PRKCD: variants seen among roughly 807,000 people sequenced by gnomAD.
The protein encoded by PRKCD is protein kinase C delta.
In PRKCD, 20 loss-of-function variants were observed where a neutral mutation model predicts 82.2. The ratio of observed to expected loss-of-function variants is 0.24; its 90% confidence interval spans 0.17 to 0.35. PRKCD has a LOEUF of 0.35. PRKCD is among the 10% of genes least tolerant of loss of function. PRKCD has a pLI of 1.00. For synonymous variants in PRKCD, 317 were observed against 337.0 expected (o/e 0.94, Z 0.65); for missense variants, 607 against 899.0 (o/e 0.68, Z 4.15).
intron 2 of PRKCD, 115 bp downstream of exon 2, chr3:53,165,330 G>A (rs1702798772): frequency 6.6e-6 from 1 of 152,452 alleles, no homozygotes; most frequent in African/African-American, 2.4e-5. Context: ...CAGAGTCCTT[G>A]ATCTGGTTGT....
rs1703435243 is a variant in PRKCD at position 53,181,425 on chromosome 3, C to T, written c.377-19C>T. The stretch of plus-strand genomic sequence containing the variant: ...CCTTCCAGATACCAGGGCTGACTTC[C>T]CTACTCCATGGTCACCAGATTGCAA... On this transcript the variant is annotated intron_variant, in intron 5 of 18. Coordinates refer to ENST00000330452, the MANE Select transcript of PRKCD (RefSeq NM_006254.4). 1.2e-6 allele frequency: 2 copies of T among 1,613,968 alleles called. No individual in the cohort carries two copies. The highest frequency in any genetic ancestry group is 1.3e-5 in the African/African-American group (1 of 74,912).
In PRKCD at chr3:53,181,502, C is replaced by T. The variant is rs782029128; in HGVS notation, c.435C>T (p.Arg145=). The part of the protein sequence containing the change: ...DEAKFPTMNR[R]GAIKQAKIHY... ...CCAAGTTCCCAACGATGAACCGCCGCGGAGCCATCAAACAGGCCAAAATCC... is the reference window on the plus strand; with the variant it reads ...CCAAGTTCCCAACGATGAACCGCCGTGGAGCCATCAAACAGGCCAAAATCC... Residue 145 remains arginine, a synonymous_variant, in exon 6 of 19, where the codon CGC becomes CGT. Coordinates refer to ENST00000330452, the MANE Select transcript of PRKCD (RefSeq NM_006254.4). 9.9e-6 allele frequency: 16 copies of T among 1,614,082 alleles called. No homozygotes were observed. The highest frequency in any genetic ancestry group is 4.0e-5 in the African/African-American group (3 of 74,908).
At chr3:53,178,578 T>G (rs782110486) in intron 3 of PRKCD, 41 bp downstream of exon 3, 75 of 1,546,364 alleles carry the variant, frequency 4.9e-5, no homozygotes, top group Non-Finnish European at 6.5e-5. Flanking sequence ...GCTGGGAATC[T>G]GGGCCCAGCT....
At chr3:53,161,866 A>G (rs1171178266) in intron 1 of PRKCD, among the ~76,000 whole-genome samples, 71 of 24,714 alleles carry the variant, frequency 2.9e-3, no homozygotes, top group Non-Finnish European at 4.6e-3. Flanking sequence ...CCCCACCCAC[A>G]CCCCTACCCC....
intron 9 of PRKCD, 128 bp downstream of exon 9, chr3:53,183,709 A>G: frequency 7.5e-7 from 1 of 1,341,814 alleles, no homozygotes; most frequent in Non-Finnish European, 1.0e-6. Flanking sequence ...GGACCTGATG[A>G]GGGTGAGGCC....
rs1553669966 is a variant in PRKCD at position 53,188,709 on chromosome 3, C to G, written c.1416-11C>G. The G allele has an allele frequency of 6.2e-7, 1 of 1,614,020 alleles. No individual in the cohort carries two copies. The highest frequency in any genetic ancestry group is 1.3e-5 in the African/African-American group (1 of 74,924). ...GTCCCCTGCTGACTCTTACCTGTCC[C>G]CTGTCCTTAGGGACCTCAAACTGGA... On this transcript the variant is annotated splice_polypyrimidine_tract_variant and intron_variant, in intron 15 of 18. Coordinates refer to ENST00000330452, the MANE Select transcript of PRKCD (RefSeq NM_006254.4).
intron 2 of PRKCD, among the ~76,000 whole-genome samples, chr3:53,166,315 C>G (rs1247725283): frequency 6.6e-6 from 1 of 152,210 alleles, no homozygotes; most frequent in African/African-American, 2.4e-5. Context: ...CTAGGGGCCT[C>G]TGCCACCTAA....
chr3:53,178,920 T>C (rs369535422), intron 3 of PRKCD, among the ~76,000 whole-genome samples: 11 of 152,202 alleles, frequency 7.2e-5, no homozygotes, highest in African/African-American at 2.7e-4. Context: ...CAAAAAGCAG[T>C]GAGTCCTGCA....
intron 15 of PRKCD, among the ~76,000 whole-genome samples, chr3:53,188,517 A>G (rs1178880950): frequency 6.6e-6 from 1 of 152,206 alleles, no homozygotes; most frequent in Non-Finnish European, 1.5e-5. Context: ...GTGTATGCCC[A>G]GCGTTTAGCA....
At chr3:53,184,841 G>C in intron 9 of PRKCD, 33 bp from the exon 10 acceptor site, 1 of 1,602,610 alleles carries the variant, frequency 6.2e-7, no homozygotes, top group Non-Finnish European at 8.5e-7. Context: ...GCTGAGCTCT[G>C]AGACTGACAG....
Position 53,189,049 on chromosome 3 carries a change from C to T in PRKCD, c.1555-9C>T. The T allele has an allele frequency of 1.2e-6, 2 of 1,606,862 alleles. No homozygotes were observed. The highest frequency in any genetic ancestry group is 1.7e-6 in the Non-Finnish European group (2 of 1,175,868). Reference sequence around the variant, plus strand: ...GCTCCTGCTGACCTGCTGCTCTCCCCACCGCCAGATCCTACAGGGCCTGAA... The same window carrying T: ...GCTCCTGCTGACCTGCTGCTCTCCCTACCGCCAGATCCTACAGGGCCTGAA... On this transcript the variant is annotated splice_polypyrimidine_tract_variant and intron_variant, in intron 16 of 18. Coordinates refer to ENST00000330452, the MANE Select transcript of PRKCD (RefSeq NM_006254.4).
chr3:53,184,333 T>TCAACAA (rs147569297), intron 9 of PRKCD, among the ~76,000 whole-genome samples: 68 of 144,256 alleles, frequency 4.7e-4, no homozygotes, highest in African/African-American at 1.5e-3. Context: ...AGACTCCGTC[T>TCAACAA]CAACAACAAC....
chr3:53,171,861 C>A (rs562718572), intron 2 of PRKCD, among the ~76,000 whole-genome samples: 1 of 152,234 alleles, frequency 6.6e-6, no homozygotes, highest in East Asian at 1.9e-4. Flanking sequence ...CTGGAGAGGT[C>A]TGGGCTTTCT....
Position 53,183,435 on chromosome 3 carries a change from G to T in PRKCD, c.658-17G>T. The T allele has an allele frequency of 6.2e-7, 1 of 1,613,860 alleles. No individual in the cohort carries two copies. The highest frequency in any genetic ancestry group is 1.1e-5 in the South Asian group (1 of 91,024). On this transcript the variant is annotated splice_polypyrimidine_tract_variant and intron_variant, in intron 8 of 18. Coordinates refer to ENST00000330452, the MANE Select transcript of PRKCD (RefSeq NM_006254.4). ...AGCTGGCACGTGACCCTCAGCCTGT[G>T]ATACCCCCACCTCCAGTTCCAGAAA...
At chr3:53,166,634 T>C (rs1461424598) in intron 2 of PRKCD, among the ~76,000 whole-genome samples, 1 of 152,236 alleles carries the variant, frequency 6.6e-6, no homozygotes, top group Non-Finnish European at 1.5e-5. Flanking sequence ...CTCAAATGCC[T>C]GCCCACACAT....
chr3:53,165,193 C>G lies in PRKCD; in HGVS notation c.-42C>G. ...CAGCAGCGGGAGCCAGGACTAAGGA[C>G]AAGCAGGAGCTGGGAGCCCCAGGTA... On this transcript the variant is annotated 5_prime_UTR_variant, in exon 2 of 19. Coordinates refer to ENST00000330452, the MANE Select transcript of PRKCD (RefSeq NM_006254.4). 6.6e-6 allele frequency: 1 copy of G among 152,502 alleles called. No individual in the cohort carries two copies. The highest frequency in any genetic ancestry group is 1.9e-4 in the East Asian group (1 of 5,180). The allele number at this position is 152,502 out of a possible 1,614,324, so 9.4% of individuals were successfully genotyped here.
intron 2 of PRKCD, among the ~76,000 whole-genome samples, chr3:53,176,884 A>G (rs1162822001): frequency 1.3e-5 from 2 of 152,168 alleles, no homozygotes; most frequent in Non-Finnish European, 2.9e-5. Flanking sequence ...GCTGGAGTGC[A>G]ATGGCGCAGT....
At chr3:53,167,342 G>T (rs534879823) in intron 2 of PRKCD, among the ~76,000 whole-genome samples, 1 of 152,312 alleles carries the variant, frequency 6.6e-6, no homozygotes, top group African/African-American at 2.4e-5. Flanking sequence ...AGGGCAGGGG[G>T]CAGGTCACGA....
chr3:53,177,108 G>T (rs1256496320), intron 2 of PRKCD, among the ~76,000 whole-genome samples: 1 of 152,116 alleles, frequency 6.6e-6, no homozygotes, highest in Non-Finnish European at 1.5e-5. Flanking sequence ...GAGATTACAG[G>T]CATGAGCCAC....
Sources: gnomAD v4.1 joint callset for allele counts (sites outside exome capture counted in the v4.1 genomes callset) on GRCh38, gnomAD v4.1.1 for gene constraint, MANE v1.5 for transcripts, NCBI Gene and HGNC (gene_info 2026-07-23, HGNC 2026-07-21) for gene names.